PRDM6: variants seen among roughly 807,000 people sequenced by gnomAD.
PRDM6 encodes putative histone-lysine N-methyltransferase PRDM6.
In PRDM6, 25 loss-of-function variants were observed where a neutral mutation model predicts 60.8. That is an observed-to-expected ratio of 0.41 (90% CI 0.30 to 0.57). The LOEUF (loss-of-function observed/expected upper bound fraction) is 0.57. PRDM6 is among the 20% of genes least tolerant of loss of function. PRDM6 has a pLI of 0.27. For missense variants in PRDM6, 839 were observed against 821.3 expected, an observed-to-expected ratio of 1.02 and a Z score of -0.26; for synonymous variants, 407 against 357.4, an observed-to-expected ratio of 1.14 and a Z score of -1.57.
chr5:123,155,960 T>A lies in PRDM6; in HGVS notation c.977T>A (p.Ile326Asn). ...EPSKSSWMRY[I>N]RCARHCGEQN... ...AGTAAGTCGAGCTGGATGAGGTATATCCGATGTGCAAGGCACTGCGGAGAA... is the reference window on the plus strand; with the variant it reads ...AGTAAGTCGAGCTGGATGAGGTATAACCGATGTGCAAGGCACTGCGGAGAA... Residue 326 changes from isoleucine to asparagine, a missense_variant, in exon 4 of 8, where the codon ATC becomes AAC. Coordinates refer to ENST00000407847, the MANE Select transcript of PRDM6 (RefSeq NM_001136239.4). 1 of 1,551,748 alleles carries A rather than the reference T, an allele frequency of 6.4e-7. No individual in the cohort carries two copies. The highest frequency in any genetic ancestry group is 8.7e-7 in the Non-Finnish European group (1 of 1,146,930).
rs1766476901 is a variant in PRDM6, at chr5:123,193,862, C to T, written c.*6661C>T. ...TACTGGAATAGAAATATGTCTCTCT[C>T]CAACTTTCCACCAAATAAAATGGTT... is the stretch of plus-strand genomic sequence containing the variant. On this transcript the variant is annotated 3_prime_UTR_variant, in exon 8 of 8. Transcript: ENST00000407847. 6.6e-6 allele frequency: 1 copy of T among 152,144 alleles called. No homozygotes were observed. The highest frequency in any genetic ancestry group is 1.5e-5 in the Non-Finnish European group (1 of 68,040). 9.4% of individuals were successfully genotyped at this position (152,144 alleles called of 1,614,324 possible).
intron 6 of PRDM6, among the ~76,000 whole-genome samples, chr5:123,174,945 T>C (rs891000341): frequency 6.6e-6 from 1 of 152,258 alleles, no homozygotes; most frequent in African/African-American, 2.4e-5. Context: ...TTTCTTTTCC[T>C]GAATAAATTC....
chr5:123,089,930 C>A lies in PRDM6; in HGVS notation c.-15-70C>A, dbSNP rs1403607214. 10 of 1,170,666 alleles carry A rather than the reference C, an allele frequency of 8.5e-6. No homozygotes were observed. The East Asian group carries it at 2.8e-4, about 33-fold the overall frequency. 72.5% of individuals were successfully genotyped at this position (1,170,666 alleles called of 1,614,324 possible). ...CCGGCTCGGGCACTTTCTCCAGGGT[C>A]CCAGTGGCCCTCTTCCCGGCCCCTT... On this transcript the variant is annotated intron_variant, in intron 1 of 7. Coordinates refer to ENST00000407847, the MANE Select transcript of PRDM6 (RefSeq NM_001136239.4).
rs780046640 is a variant in PRDM6, at chr5:123,176,270, T to TAAAAAA, written c.1497-3869_1497-3864dup. On this transcript the variant is annotated intron_variant, in intron 6 of 7. Transcript: ENST00000407847. ...CAACACTACTAAAGATCTCAAATGG[T>TAAAAAA]AAAAAAAAAAAAACAAAAAAAAAAC... Among the ~76,000 whole-genome samples, 352 of 121,236 alleles carry TAAAAAA rather than the reference T, an allele frequency of 2.9e-3. 10 individuals carry two copies. Among genetic ancestry groups the TAAAAAA allele is most frequent in the African/African-American group, 0.01 (333 of 31,908 alleles). The allele number at this position is 121,236 out of a possible 152,430, so 79.5% of individuals were successfully genotyped here.
At chr5:123,151,293 A>T (rs1006315175) in intron 3 of PRDM6, among the ~76,000 whole-genome samples, 13 of 152,146 alleles carry the variant, frequency 8.5e-5, no homozygotes, top group African/African-American at 2.7e-4. Context: ...AATCCCTTTT[A>T]TATGAAACCT....
chr5:123,111,801 T>C (rs757863413), intron 3 of PRDM6, among the ~76,000 whole-genome samples: 4 of 152,170 alleles, frequency 2.6e-5, no homozygotes, highest in Non-Finnish European at 5.9e-5. Context: ...TCTTTGCTAC[T>C]CTTGAGCTCA....
intron 3 of PRDM6, among the ~76,000 whole-genome samples, chr5:123,129,705 C>T (rs746581469): frequency 5.9e-5 from 9 of 152,036 alleles, no homozygotes; most frequent in Middle Eastern, 3.2e-3. Flanking sequence ...AAACACCTTG[C>T]GTTGTAAACA....
chr5:123,142,439 G>A (rs1765126265), intron 3 of PRDM6, among the ~76,000 whole-genome samples: 1 of 152,118 alleles, frequency 6.6e-6, no homozygotes, highest in Non-Finnish European at 1.5e-5. Context: ...GGAATATGAG[G>A]GGGTAAGCCA....
chr5:123,147,275 TAA>T (rs748652572), intron 3 of PRDM6, among the ~76,000 whole-genome samples: 1,190 of 98,716 alleles, frequency 0.012, 11 homozygotes, highest in Middle Eastern at 0.052. Flanking sequence ...ACACTGATAC[TAA>T]AAAGAGAGAG....
chr5:123,138,171 A>C (rs1423102089), intron 3 of PRDM6, among the ~76,000 whole-genome samples: 1 of 152,198 alleles, frequency 6.6e-6, no homozygotes, highest in Non-Finnish European at 1.5e-5. Context: ...TCCCTGTTCT[A>C]ACGACTTTAA....
In PRDM6 at chr5:123,155,966, G is replaced by A; in HGVS notation, c.983G>A (p.Cys328Tyr). ...SKSSWMRYIRCARHCGEQNLT... is the reference protein window; with the variant it reads ...SKSSWMRYIRYARHCGEQNLT... ...TCGAGCTGGATGAGGTATATCCGAT[G>A]TGCAAGGCACTGCGGAGAACAGAAT... is the stretch of plus-strand genomic sequence containing the variant. Residue 328 changes from cysteine to tyrosine, a missense_variant, in exon 4 of 8, where the codon TGT (cysteine) becomes TAT (tyrosine). Physicochemically the swap from Cys to Tyr is radical, Grantham distance 194 (BLOSUM62 -2). Transcript: ENST00000407847. The A allele has an allele frequency of 6.4e-7, 1 of 1,551,740 alleles. No individual in the cohort carries two copies. The highest frequency in any genetic ancestry group is 1.2e-5 in the South Asian group (1 of 84,060).
rs1364247776 is a variant in PRDM6, at chr5:123,155,735, C to T, written c.901-149C>T. ...ATCAAAACATATTTTCCTGTTATTC[C>T]GGTTGAGTTGTCCACAAGCATCAAT... On this transcript the variant is annotated intron_variant, in intron 3 of 7. Coordinates refer to ENST00000407847, the MANE Select transcript of PRDM6 (RefSeq NM_001136239.4). The T allele has an allele frequency of 2.6e-5, 20 of 772,686 alleles. No individual in the cohort carries two copies. In the East Asian group the frequency reaches 3.9e-4, roughly 15 times the overall value. 47.9% of individuals were successfully genotyped at this position (772,686 alleles called of 1,614,324 possible).
In PRDM6 at chr5:123,189,028, C is replaced by A. The variant is rs1193291941; in HGVS notation, c.*1827C>A. ...TCTCAAGCCATTCACCTAGAATTTTCCTCCAGTTCTTACTATCTCCTGGTC... is the reference window on the plus strand; with the variant it reads ...TCTCAAGCCATTCACCTAGAATTTTACTCCAGTTCTTACTATCTCCTGGTC... On this transcript the variant is annotated 3_prime_UTR_variant, in exon 8 of 8. Coordinates refer to ENST00000407847, the MANE Select transcript of PRDM6 (RefSeq NM_001136239.4). 1 of 152,188 alleles carries A rather than the reference C, an allele frequency of 6.6e-6. No homozygotes were observed. The highest frequency in any genetic ancestry group is 1.5e-5 in the Non-Finnish European group (1 of 68,028). 9.4% of individuals were successfully genotyped at this position (152,188 alleles called of 1,614,324 possible).
rs1426315782 is a variant in PRDM6, at chr5:123,180,195, A to G, written c.1545A>G (p.Glu515=). ...CCCAGTCCTTTTCCCAGCCTTCAGA[A>G]CTGAGGAACCACGTGGTCACTCACT... ...HCSQSFSQPS[E]LRNHVVTHSS... Residue 515 remains glutamate, a synonymous_variant, in exon 7 of 8, where the codon GAA becomes GAG. Transcript: ENST00000407847. 1 of 1,552,172 alleles carries G rather than the reference A, an allele frequency of 6.4e-7. No homozygotes were observed. The highest frequency in any genetic ancestry group is 1.7e-4 in the Middle Eastern group (1 of 5,996).
intron 3 of PRDM6, among the ~76,000 whole-genome samples, chr5:123,129,035 T>G (rs1764760454): frequency 6.6e-6 from 1 of 152,332 alleles, no homozygotes; most frequent in South Asian, 2.1e-4. Context: ...TTTCCCCATT[T>G]CTTATTTTTG....
chr5:123,186,874 C>T (rs1766299874), intron 7 of PRDM6, among the ~76,000 whole-genome samples: 1 of 152,226 alleles, frequency 6.6e-6, no homozygotes, highest in African/African-American at 2.4e-5. Flanking sequence ...CACCTTCCCC[C>T]TGCCTATTGA....
chr5:123,153,960 G>A (rs1480301944), intron 3 of PRDM6, among the ~76,000 whole-genome samples: 1 of 152,136 alleles, frequency 6.6e-6, no homozygotes, highest in Non-Finnish European at 1.5e-5. Flanking sequence ...GGAAGGGAGG[G>A]TAGGGGGCTG....
chr5:123,100,386 T>TAC (rs1273319919), intron 3 of PRDM6, among the ~76,000 whole-genome samples: 1 of 152,158 alleles, frequency 6.6e-6, no homozygotes, highest in Non-Finnish European at 1.5e-5. Flanking sequence ...GCACTTCCAG[T>TAC]GTGTTTCTGT....
Position 123,187,381 on chromosome 5 carries a change from A to G in PRDM6, c.*180A>G. 1 of 484,082 alleles carries G rather than the reference A, an allele frequency of 2.1e-6. No homozygotes were observed. The highest frequency in any genetic ancestry group is 3.7e-4 in the Middle Eastern group (1 of 2,726). 30.0% of individuals were successfully genotyped at this position (484,082 alleles called of 1,614,324 possible). ...CCTGGCATGGAAGTCAGACCAGGAAAGAGATTATTTATTTATGACTTAGGG... is the reference window on the plus strand; with the variant it reads ...CCTGGCATGGAAGTCAGACCAGGAAGGAGATTATTTATTTATGACTTAGGG... On this transcript the variant is annotated 3_prime_UTR_variant, in exon 8 of 8. Transcript: ENST00000407847.
Sources: allele counts gnomAD v4.1 joint callset (sites outside exome capture counted in the v4.1 genomes callset), GRCh38; gene constraint gnomAD v4.1.1; transcripts MANE v1.5; gene names NCBI Gene and HGNC (gene_info 2026-07-23, HGNC 2026-07-21).